Variants in TRAF2 observed in about 807,000 individuals in gnomAD.
TRAF2 encodes the protein TNF receptor-associated factor 2.
In TRAF2, 6 loss-of-function variants were observed where a neutral mutation model predicts 55.6. That is an observed-to-expected ratio of 0.11 (90% CI 0.06 to 0.21). TRAF2 has a LOEUF of 0.21. Ranked by LOEUF, TRAF2 falls within the 10% of genes least tolerant of loss-of-function variation. The pLI, the probability that TRAF2 is intolerant of heterozygous loss-of-function variation, is 1.00. For missense variants in TRAF2, 561 were observed against 684.5 expected (o/e 0.82, Z 2.01); for synonymous variants, 329 against 276.3 (o/e 1.19, Z -1.89).
chr9:136,886,391 G>C, upstream of TRAF2: 1 of 988,230 alleles, frequency 1.0e-6, no homozygotes, highest in African/African-American at 1.7e-5. Flanking sequence ...GGCGTATCTG[G>C]CCAATGGCTC....
At chr9:136,892,290 C>T (rs1311497897) in intron 1 of TRAF2, among the ~76,000 whole-genome samples, 3 of 151,362 alleles carry the variant, frequency 2.0e-5, no homozygotes, top group African/African-American at 4.8e-5. Flanking sequence ...GGTGAAACCC[C>T]GTCTCTACTA....
rs1023469403 is a variant in TRAF2, at chr9:136,920,573, C to T, written c.960+58C>T. On this transcript the variant is annotated intron_variant, in intron 8 of 10. Coordinates refer to ENST00000247668, the MANE Select transcript of TRAF2 (RefSeq NM_021138.4). ...GGACAGTGTAAAGGGGGATAGTGTT[C>T]GTGCCCCAGCAGGTTCTAGCAGGTC... is the stretch of plus-strand genomic sequence containing the variant. 13 of 1,527,832 alleles carry T rather than the reference C, an allele frequency of 8.5e-6. 1 individual carries two copies. Among genetic ancestry groups the T allele is most frequent in the African/African-American group, 1.4e-5 (1 of 72,510 alleles). The allele number at this position is 1,527,832 out of a possible 1,614,324, so 94.6% of individuals were successfully genotyped here.
At chr9:136,924,853 C>G (rs969001906) in intron 10 of TRAF2, among the ~76,000 whole-genome samples, 8 of 152,082 alleles carry the variant, frequency 5.3e-5, no homozygotes, top group Admixed American at 2.0e-4. Flanking sequence ...ATTCTCCTGC[C>G]TCAGCCTCCT....
intron 1 of TRAF2, among the ~76,000 whole-genome samples, chr9:136,893,654 T>C (rs1192803790): frequency 2.0e-5 from 3 of 152,218 alleles, no homozygotes; most frequent in African/African-American, 7.2e-5. Context: ...TTGGGGAATG[T>C]TTGCAGAGAG....
chr9:136,910,732 C>T (rs1228523017), intron 6 of TRAF2, among the ~76,000 whole-genome samples: 4 of 152,242 alleles, frequency 2.6e-5, no homozygotes, highest in Admixed American at 1.3e-4. Flanking sequence ...CGGGCTCAGC[C>T]TGACAGGTGT....
Position 136,900,442 on chromosome 9 carries a change from C to T in TRAF2, c.288C>T (p.Ala96=). 6.2e-7 allele frequency: 1 copy of T among 1,607,458 alleles called. No individual in the cohort carries two copies. Among genetic ancestry groups the T allele is most frequent in the South Asian group, 1.1e-5 (1 of 90,208 alleles). The change falls in exon 4 of 11, where the codon GCC becomes GCT. Residue 96 remains alanine, a synonymous_variant. Transcript: ENST00000247668. ...ESSSAFPDNA[A]RREVESLPAV... ...CCCAGGCCTTCCCAGATAATGCTGCCCGCAGGGAGGTGGAGAGCCTGCCGG... is the reference window on the plus strand; with the variant it reads ...CCCAGGCCTTCCCAGATAATGCTGCTCGCAGGGAGGTGGAGAGCCTGCCGG...
chr9:136,908,345 C>T (rs925740975), intron 5 of TRAF2, 114 bp downstream of exon 5: 19 of 1,214,718 alleles, frequency 1.6e-5, no homozygotes, highest in African/African-American at 3.1e-5. Context: ...TCCACCCCCT[C>T]GGCCCTTTCC....
Position 136,920,215 on chromosome 9 carries a change from C to G in TRAF2, c.679-19C>G. 6.3e-7 allele frequency: 1 copy of G among 1,595,968 alleles called. No individual in the cohort carries two copies. The highest frequency in any genetic ancestry group is 8.5e-7 in the Non-Finnish European group (1 of 1,171,084). Reference sequence around the variant, plus strand: ...GAATGGTGGATGGAGCCAGCAGCCTCCCTGCCCTGTGTCCGCAGGTAGAGG... The same window carrying G: ...GAATGGTGGATGGAGCCAGCAGCCTGCCTGCCCTGTGTCCGCAGGTAGAGG... On this transcript the variant is annotated intron_variant, in intron 7 of 10. Transcript: ENST00000247668.
chr9:136,926,129 G>T lies in TRAF2; in HGVS notation c.*228G>T. 1 of 726,336 alleles carries T rather than the reference G, an allele frequency of 1.4e-6. No homozygotes were observed. The highest frequency in any genetic ancestry group is 2.5e-6 in the Non-Finnish European group (1 of 399,772). The allele number at this position is 726,336 out of a possible 1,614,324, so 45.0% of individuals were successfully genotyped here. On this transcript the variant is annotated 3_prime_UTR_variant, in exon 11 of 11. Transcript: ENST00000247668. ...GGGCTTGGCAGACGGTCTTAGCCAAGGGCTGTGGTGGCATTGGCCGAGGGT... is the reference window on the plus strand; with the variant it reads ...GGGCTTGGCAGACGGTCTTAGCCAATGGCTGTGGTGGCATTGGCCGAGGGT...
intron 5 of TRAF2, among the ~76,000 whole-genome samples, chr9:136,909,171 TG>T (rs1850036857): frequency 6.6e-6 from 1 of 152,350 alleles, no homozygotes; most frequent in Admixed American, 6.5e-5. Flanking sequence ...TCGCCAGGCC[TG>T]GGCTTTGCTC....
upstream of TRAF2, chr9:136,882,594 C>T (rs936914379): frequency 1.1e-6 from 1 of 913,128 alleles, no homozygotes; most frequent in South Asian, 5.1e-5. Context: ...TCTCCTGAGA[C>T]TGCCCGGGGA....
rs755393145 is a variant in TRAF2, at chr9:136,926,499, G to A, written c.*598G>A. On this transcript the variant is annotated 3_prime_UTR_variant, in exon 11 of 11. Transcript: ENST00000247668. ...GTGGGAGAGGGTCTGGTCCCACGCCGCCTCTGCTCAGACCACTGTGTGGGA... is the reference window on the plus strand; with the variant it reads ...GTGGGAGAGGGTCTGGTCCCACGCCACCTCTGCTCAGACCACTGTGTGGGA... The A allele has an allele frequency of 1.4e-4, 31 of 221,140 alleles. No homozygotes were observed. The highest frequency in any genetic ancestry group is 2.3e-4 in the Non-Finnish European group (25 of 108,514). 13.7% of individuals were successfully genotyped at this position (221,140 alleles called of 1,614,324 possible).
At chr9:136,905,934 CTG>C (rs944145241) in intron 4 of TRAF2, among the ~76,000 whole-genome samples, 2 of 152,188 alleles carry the variant, frequency 1.3e-5, no homozygotes, top group African/African-American at 4.8e-5. Flanking sequence ...GAAACCCTGT[CTG>C]TACTAAAAAT....
chr9:136,882,644 G>A (rs1436156054), upstream of TRAF2: 8 of 985,676 alleles, frequency 8.1e-6, no homozygotes, highest in Non-Finnish European at 9.6e-6. Context: ...CTGGGTGGCT[G>A]ACTTTTGCTT....
chr9:136,925,659 C>T, intron 10 of TRAF2, 24 bp from the exon 11 acceptor site: 1 of 1,611,260 alleles, frequency 6.2e-7, no homozygotes, highest in South Asian at 1.1e-5. Flanking sequence ...ACCTGTGTCC[C>T]CTCCCTGGGG....
chr9:136,883,137 C>T (rs543705512), upstream of TRAF2, among the ~76,000 whole-genome samples: 42 of 151,076 alleles, frequency 2.8e-4, no homozygotes, highest in East Asian at 3.5e-3. Context: ...CCCAAAGTGC[C>T]GGGATTACAG....
chr9:136,893,193 C>G (rs1296138598), intron 1 of TRAF2, among the ~76,000 whole-genome samples: 1 of 152,142 alleles, frequency 6.6e-6, no homozygotes, highest in Non-Finnish European at 1.5e-5. Flanking sequence ...GTGGGAGAAA[C>G]AGGTGTGGCG....
chr9:136,925,191 G>A (rs757305943), intron 10 of TRAF2, among the ~76,000 whole-genome samples: 7 of 152,190 alleles, frequency 4.6e-5, no homozygotes, highest in Non-Finnish European at 7.3e-5. Context: ...AGAGTTGGGT[G>A]GGGGAGGGGG....
At chr9:136,916,968 C>T (rs1256095119) in intron 7 of TRAF2, among the ~76,000 whole-genome samples, 1 of 152,180 alleles carries the variant, frequency 6.6e-6, no homozygotes, top group African/African-American at 2.4e-5. Flanking sequence ...TCCCTGCCCC[C>T]ATCTCACACA....
Sources: gnomAD v4.1 joint callset for allele counts (sites outside exome capture counted in the v4.1 genomes callset) on GRCh38, gnomAD v4.1.1 for gene constraint, MANE v1.5 for transcripts, NCBI Gene and HGNC (gene_info 2026-07-23, HGNC 2026-07-21) for gene names.